HNRNPLL: variants seen among roughly 807,000 people sequenced by gnomAD.
HNRNPLL encodes heterogeneous nuclear ribonucleoprotein L-like.
Under a neutral mutation model 67.1 loss-of-function variants are expected in HNRNPLL, and 25 were observed. That is an observed-to-expected ratio of 0.37 (90% CI 0.27 to 0.52). The LOEUF (loss-of-function observed/expected upper bound fraction) is 0.52, where lower values mean the gene tolerates loss of function less well. Ranked by LOEUF, HNRNPLL falls within the 20% of genes least tolerant of loss-of-function variation. The pLI is 0.90. For missense variants in HNRNPLL, 542 were observed against 673.9 expected, an observed-to-expected ratio of 0.80 and a Z score of 2.17; for synonymous variants, 267 against 241.7, an observed-to-expected ratio of 1.10 and a Z score of -0.97.
chr2:38,578,040 A>G, intron 6 of HNRNPLL: 1 of 470,216 alleles, frequency 2.1e-6, no homozygotes, highest in Non-Finnish European at 4.4e-6. Flanking sequence ...AACACAGAGT[A>G]TTTTATAAGT....
intron 12 of HNRNPLL, 108 bp downstream of exon 12, chr2:38,568,091 T>C: frequency 1.5e-6 from 1 of 665,202 alleles, no homozygotes; most frequent in Admixed American, 3.2e-5. Flanking sequence ...TGTATTTATC[T>C]GTATTTTTTA....
chr2:38,584,848 T>TA (rs1283328030), intron 3 of HNRNPLL, among the ~76,000 whole-genome samples: 9 of 152,070 alleles, frequency 5.9e-5, no homozygotes, highest in African/African-American at 2.2e-4. Flanking sequence ...ACACCAGAGA[T>TA]ATAACAAAAA....
At chr2:38,581,536 G>A (rs1666529348) in intron 6 of HNRNPLL, 1 of 283,910 alleles carries the variant, frequency 3.5e-6, no homozygotes, top group Non-Finnish European at 6.5e-6. Context: ...CCTTCTTAAT[G>A]CCTCGTCCAG....
At chr2:38,591,431 A>G (rs1666953329) in intron 2 of HNRNPLL, 99 bp downstream of exon 2, 1 of 748,068 alleles carries the variant, frequency 1.3e-6, no homozygotes, top group Non-Finnish European at 2.4e-6. Context: ...TTATATATAC[A>G]AACAATATTT....
chr2:38,602,497 C>G lies in HNRNPLL; in HGVS notation c.130G>C (p.Glu44Gln). ...YSAEEGENRREATPRGGGDGG... is the reference protein window; with the variant it reads ...YSAEEGENRRQATPRGGGDGG... ...TCGCCCCCGCCCCGGGGCGTCGCTT[C>G]CCGGCGGTTCTCGCCTTCCTCGGCC... Residue 44 changes from glutamate to glutamine, a missense_variant, in exon 1 of 13, where the codon GAA (glutamate) becomes CAA (glutamine). Physicochemically the swap from Glu to Gln is conservative, Grantham distance 29. Around this residue, in one of 2 missense-constraint regions of HNRNPLL, gnomAD observed 127 missense variants for 98.7 expected, o/e 1.29. Transcript: ENST00000449105. The G allele has an allele frequency of 6.5e-7, 1 of 1,547,460 alleles. No homozygotes were observed. Among genetic ancestry groups the G allele is most frequent in the East Asian group, 2.4e-5 (1 of 41,270 alleles).
intron 4 of HNRNPLL, among the ~76,000 whole-genome samples, chr2:38,582,678 G>C (rs901816269): frequency 5.3e-5 from 8 of 152,076 alleles, no homozygotes; most frequent in Non-Finnish European, 8.8e-5. Context: ...CCAGCACTTT[G>C]GGAGGCTGAA....
chr2:38,574,591 C>T (rs916577013), intron 7 of HNRNPLL, among the ~76,000 whole-genome samples: 2 of 151,922 alleles, frequency 1.3e-5, no homozygotes, highest in Middle Eastern at 3.4e-3. Context: ...GTATTCATAA[C>T]ATACTATTAG....
intron 1 of HNRNPLL, among the ~76,000 whole-genome samples, chr2:38,595,592 G>C (rs1165017345): frequency 6.6e-6 from 1 of 152,118 alleles, no homozygotes; most frequent in African/African-American, 2.4e-5. Context: ...CGCCTGTAAT[G>C]CCAGCCCTTT....
Position 38,563,410 on chromosome 2 carries a change from A to G in HNRNPLL, c.*772T>C, listed in dbSNP as rs772073944. ...ACCCATGGATCCCAGATTATTATCTATAAGAGGAACTGTTAATTATAACCT... is the reference window on the plus strand; with the variant it reads ...ACCCATGGATCCCAGATTATTATCTGTAAGAGGAACTGTTAATTATAACCT... On this transcript the variant is annotated 3_prime_UTR_variant, in exon 13 of 13. Coordinates refer to ENST00000449105, the MANE Select transcript of HNRNPLL (RefSeq NM_138394.4). 9.2e-5 allele frequency: 14 copies of G among 152,118 alleles called. No individual in the cohort carries two copies. The highest frequency in any genetic ancestry group is 1.9e-4 in the East Asian group (1 of 5,198). 9.4% of individuals were successfully genotyped at this position (152,118 alleles called of 1,614,324 possible).
chr2:38,564,149 G>A lies in HNRNPLL; in HGVS notation c.*33C>T, dbSNP rs940905217. Reference sequence around the variant, plus strand: ...AGTGTAGCTTTGAAATTGTAATAAAGGTGAACATAAATTCTAACATGCTCT... The same window carrying A: ...AGTGTAGCTTTGAAATTGTAATAAAAGTGAACATAAATTCTAACATGCTCT... On this transcript the variant is annotated 3_prime_UTR_variant, in exon 13 of 13. Transcript: ENST00000449105. 1.3e-5 allele frequency: 17 copies of A among 1,282,760 alleles called. No homozygotes were observed. Among genetic ancestry groups the A allele is most frequent in the African/African-American group, 2.9e-5 (2 of 67,842 alleles). 79.5% of individuals were successfully genotyped at this position (1,282,760 alleles called of 1,614,324 possible).
In HNRNPLL at chr2:38,602,880, T is replaced by C. The variant is rs1667512964; in HGVS notation, c.-254A>G. 2.6e-6 allele frequency: 4 copies of C among 1,523,302 alleles called. No homozygotes were observed. In the East Asian group the frequency reaches 7.5e-5, roughly 29 times the overall value. 94.4% of individuals were successfully genotyped at this position (1,523,302 alleles called of 1,614,324 possible). ...ACCGAGCCAACATTCAGCCTCTCCC[T>C]CCTCCTCCTCCGTCTCCGCTCCCTG... is the stretch of plus-strand genomic sequence containing the variant. On this transcript the variant is annotated 5_prime_UTR_variant, in exon 1 of 13. Coordinates refer to ENST00000449105, the MANE Select transcript of HNRNPLL (RefSeq NM_138394.4).
At chr2:38,569,367 A>G in intron 9 of HNRNPLL, 33 bp from the exon 10 acceptor site, 1 of 1,463,126 alleles carries the variant, frequency 6.8e-7, no homozygotes, top group South Asian at 1.1e-5. Flanking sequence ...ATACAAAAGT[A>G]CTTTGTTAGA....
chr2:38,602,313 G>C, intron 1 of HNRNPLL, 125 bp downstream of exon 1: 1 of 859,380 alleles, frequency 1.2e-6, no homozygotes, highest in Non-Finnish European at 1.7e-6. Context: ...AGAAGAGTGG[G>C]CGCTTCCCCA....
At chr2:38,599,586 A>G (rs1045009691) in intron 1 of HNRNPLL, among the ~76,000 whole-genome samples, 1 of 152,220 alleles carries the variant, frequency 6.6e-6, no homozygotes, top group South Asian at 2.1e-4. Flanking sequence ...TATTAAAAAA[A>G]GGTACCAGAA....
In HNRNPLL at chr2:38,563,142, T is replaced by C. The variant is rs1210753524; in HGVS notation, c.*1040A>G. 1.3e-5 allele frequency: 2 copies of C among 151,904 alleles called. No homozygotes were observed. Among genetic ancestry groups the C allele is most frequent in the African/African-American group, 2.4e-5 (1 of 41,400 alleles). The allele number at this position is 151,904 out of a possible 1,614,324, so 9.4% of individuals were successfully genotyped here. A position where few individuals can be genotyped will look rare whatever the true frequency, so the allele number is the denominator to read the frequency against. ...GTTTGGTCCTTAAATCTTACTTGCC[T>C]ATGTATAAAATCTATTATCTTAAAA... On this transcript the variant is annotated 3_prime_UTR_variant, in exon 13 of 13. Transcript: ENST00000449105.
chr2:38,595,969 A>G (rs1461400717), intron 1 of HNRNPLL, among the ~76,000 whole-genome samples: 2 of 152,142 alleles, frequency 1.3e-5, no homozygotes, highest in Admixed American at 1.3e-4. Flanking sequence ...TTCCCACTCA[A>G]TGAATCTGCC....
At chr2:38,587,764 T>C (rs1199786429) in intron 2 of HNRNPLL, among the ~76,000 whole-genome samples, 3 of 152,148 alleles carry the variant, frequency 2.0e-5, no homozygotes, top group Non-Finnish European at 4.4e-5. Flanking sequence ...ACTGATATGG[T>C]GTGGCTCTGT....
intron 1 of HNRNPLL, among the ~76,000 whole-genome samples, chr2:38,595,713 G>GCCT (rs1558547141): frequency 6.6e-6 from 1 of 152,070 alleles, no homozygotes; most frequent in African/African-American, 2.4e-5. Context: ...GCGTGGTGGC[G>GCCT]GGCACCTGTA....
rs756368571 is a variant in HNRNPLL at position 38,591,611 on chromosome 2, G to A, written c.227C>T (p.Pro76Leu). 6.2e-7 allele frequency: 1 copy of A among 1,613,474 alleles called. No individual in the cohort carries two copies. Among genetic ancestry groups the A allele is most frequent in the African/African-American group, 1.3e-5 (1 of 74,986 alleles). ...GGSHHKVSVS[P>L]VVHVRGLCES... ...ACAGAGTCCTCGAACATGGACGACGGGTGAAACAGAAACTTTATGATGACT... is the reference window on the plus strand; with the variant it reads ...ACAGAGTCCTCGAACATGGACGACGAGTGAAACAGAAACTTTATGATGACT... The change falls in exon 2 of 13, where the codon CCC becomes CTC. Residue 76 changes from proline to leucine, a missense_variant. Around this residue, in one of 2 missense-constraint regions of HNRNPLL, gnomAD observed 415 missense variants for 575.2 expected, o/e 0.72. Transcript: ENST00000449105.
Sources: gnomAD v4.1 joint callset for allele counts (sites outside exome capture counted in the v4.1 genomes callset) on GRCh38, gnomAD v4.1.1 for gene constraint, gnomAD v4.1.1 regional missense constraint, MANE v1.5 for transcripts, NCBI Gene and HGNC (gene_info 2026-07-23, HGNC 2026-07-21) for gene names.